The following PCDH17 variants were observed in gnomAD, a reference collection of about 807,000 sequenced individuals.
PCDH17 encodes the protein protocadherin-17.
In PCDH17, 21 loss-of-function variants were observed where a neutral mutation model predicts 67.7. The ratio of observed to expected loss-of-function variants is 0.31; its 90% CI spans 0.22 to 0.45. PCDH17 has a LOEUF of 0.45. PCDH17 is among the 20% of genes least tolerant of loss of function. PCDH17 has a pLI of 1.00. For synonymous variants in PCDH17, 701 were observed against 656.7 expected (o/e 1.07, Z -1.03); for missense variants, 1,471 against 1,564.8 (o/e 0.94, Z 1.01).
In PCDH17 at chr13:57,634,517, C is replaced by T; in HGVS notation, c.1971C>T (p.Pro657=). 1.2e-6 allele frequency: 2 copies of T among 1,612,968 alleles called. No individual in the cohort carries two copies. Among genetic ancestry groups the T allele is most frequent in the South Asian group, 1.1e-5 (1 of 91,058 alleles). Residue 657 remains proline (P), a synonymous_variant, in exon 1 of 4, where the codon CCC becomes CCT. Coordinates refer to ENST00000377918, the MANE Select transcript of PCDH17 (RefSeq NM_001040429.3). The surrounding 1 kb of genome is among the most constrained non-coding windows in gnomAD (Gnocchi z 7.8). The part of the protein sequence containing the change: ...TLHPFWEDVT[P]VVELVVKVTD... ...ACCCTTTCTGGGAGGACGTGACGCC[C>T]GTGGTGGAGCTGGTGGTGAAGGTGA... is the stretch of plus-strand genomic sequence containing the variant.
At chr13:57,695,241 A>G (rs899780143) in intron 3 of PCDH17, among the ~76,000 whole-genome samples, 4 of 151,308 alleles carry the variant, frequency 2.6e-5, no homozygotes, top group Non-Finnish European at 5.9e-5. Context: ...CTTCAAGTAT[A>G]TTGATAATTT....
At chr13:57,687,021 A>C (rs1955514271) in intron 3 of PCDH17, among the ~76,000 whole-genome samples, 1 of 152,058 alleles carries the variant, frequency 6.6e-6, no homozygotes, top group Non-Finnish European at 1.5e-5. Context: ...TTAGAAGTGA[A>C]ATAGGAAGTT....
intron 2 of PCDH17, 54 bp from the exon 3 acceptor site, chr13:57,666,607 A>G (rs1955258233): frequency 6.2e-7 from 1 of 1,607,306 alleles, no homozygotes; most frequent in Admixed American, 1.7e-5. Context: ...TACACTTCAG[A>G]TTCAAACTAG....
Position 57,725,978 on chromosome 13 carries a change from T to C in PCDH17, c.*684T>C, listed in dbSNP as rs1177408310. Reference sequence around the variant, plus strand: ...CATATAAAAGTTAAATGTAAAAAGATACAGTCCATTTTGTCCTGCACACAC... The same window carrying C: ...CATATAAAAGTTAAATGTAAAAAGACACAGTCCATTTTGTCCTGCACACAC... On this transcript the variant is annotated 3_prime_UTR_variant, in exon 4 of 4. Coordinates refer to ENST00000377918, the MANE Select transcript of PCDH17 (RefSeq NM_001040429.3). 6.6e-6 allele frequency: 1 copy of C among 152,440 alleles called. No homozygotes were observed. Among genetic ancestry groups the C allele is most frequent in the East Asian group, 1.9e-4 (1 of 5,200 alleles). The allele number at this position is 152,440 out of a possible 1,614,324, so 9.4% of individuals were successfully genotyped here. A position where few individuals can be genotyped will look rare whatever the true frequency, so the allele number is the denominator to read the frequency against.
intron 3 of PCDH17, among the ~76,000 whole-genome samples, chr13:57,675,495 C>T (rs572192670): frequency 6.6e-6 from 1 of 152,034 alleles, no homozygotes; most frequent in East Asian, 1.9e-4. Flanking sequence ...TGCAGTAAGA[C>T]ATGTCCACAA....
intron 1 of PCDH17, 135 bp downstream of exon 1, chr13:57,635,246 C>G (rs1444562056): frequency 4.9e-6 from 4 of 817,290 alleles, no homozygotes; most frequent in Non-Finnish European, 7.7e-6. Flanking sequence ...ACGGTTTACA[C>G]TTTTGACACT....
chr13:57,654,081 A>G (rs575202139), intron 1 of PCDH17, among the ~76,000 whole-genome samples: 13 of 152,182 alleles, frequency 8.5e-5, no homozygotes, highest in Non-Finnish European at 1.6e-4. Flanking sequence ...ATAAAAATTC[A>G]TCTTTAATAT....
intron 3 of PCDH17, among the ~76,000 whole-genome samples, chr13:57,686,842 C>T (rs533058659): frequency 6.6e-5 from 10 of 152,010 alleles, no homozygotes; most frequent in East Asian, 5.8e-4. Flanking sequence ...TTAAATAATT[C>T]GAAAACTTCT....
At chr13:57,645,516 T>G (rs551652615) in intron 1 of PCDH17, among the ~76,000 whole-genome samples, 1 of 151,660 alleles carries the variant, frequency 6.6e-6, no homozygotes, top group Non-Finnish European at 1.5e-5. Context: ...TTTATTTGAA[T>G]GTGGCATATT....
intron 3 of PCDH17, among the ~76,000 whole-genome samples, chr13:57,697,532 A>G (rs536571844): frequency 1.3e-5 from 2 of 151,654 alleles, no homozygotes; most frequent in African/African-American, 4.8e-5. Flanking sequence ...CTGTGTTACC[A>G]TTGTTATCTG....
intron 3 of PCDH17, among the ~76,000 whole-genome samples, chr13:57,724,224 T>A (rs756030479): frequency 6.6e-6 from 1 of 152,196 alleles, no homozygotes; most frequent in Non-Finnish European, 1.5e-5. Flanking sequence ...CCTTGTTATT[T>A]GATTTGAAAA....
intron 3 of PCDH17, among the ~76,000 whole-genome samples, chr13:57,723,792 G>C (rs1237602084): frequency 6.6e-6 from 1 of 152,050 alleles, no homozygotes; most frequent in Non-Finnish European, 1.5e-5. Flanking sequence ...GTGAAATAGA[G>C]ATCATTAAAA....
chr13:57,696,090 T>C (rs11619022), intron 3 of PCDH17, among the ~76,000 whole-genome samples: 56,163 of 151,072 alleles, frequency 0.37, 11,501 homozygotes, highest in Middle Eastern at 0.57. Context: ...GTGTGAACCC[T>C]GTAACTCTGT....
chr13:57,638,427 T>C (rs1454383930), intron 1 of PCDH17, among the ~76,000 whole-genome samples: 1 of 152,084 alleles, frequency 6.6e-6, no homozygotes, highest in Non-Finnish European at 1.5e-5. Flanking sequence ...GACTTCCCAG[T>C]TTTGTTTGAA....
intron 3 of PCDH17, among the ~76,000 whole-genome samples, chr13:57,701,558 T>C (rs891647655): frequency 2.6e-5 from 4 of 152,082 alleles, no homozygotes; most frequent in African/African-American, 9.7e-5. Context: ...TTATGTCTTA[T>C]AATTTCAATA....
chr13:57,659,621 G>C (rs1423661662), intron 1 of PCDH17, among the ~76,000 whole-genome samples: 1 of 151,748 alleles, frequency 6.6e-6, no homozygotes, highest in African/African-American at 2.4e-5. Context: ...AAATTATTTT[G>C]ACAATATTTT....
chr13:57,650,218 T>TTTTGTGTGTG (rs3221653), intron 1 of PCDH17, among the ~76,000 whole-genome samples: 4 of 137,480 alleles, frequency 2.9e-5, no homozygotes, highest in Non-Finnish European at 6.2e-5. Context: ...GGACCCTTGA[T>TTTTGTGTGTG]TGTGTGTGTG....
In PCDH17 at chr13:57,634,598, G is replaced by A. The variant is rs2137972295; in HGVS notation, c.2052G>A (p.Val684=). 1.2e-6 allele frequency: 2 copies of A among 1,613,356 alleles called. No individual in the cohort carries two copies. Among genetic ancestry groups the A allele is most frequent in the South Asian group, 1.1e-5 (1 of 91,074 alleles). ...TGGCCAAGCTCATCATCCGCTCGGT[G>A]AGCGGATCCCTTCCCGAGGGGGTAC... ...SAVAKLIIRS[V]SGSLPEGVPR... The change falls in exon 1 of 4, where the codon GTG becomes GTA. Residue 684 remains valine, a synonymous_variant. Coordinates refer to ENST00000377918, the MANE Select transcript of PCDH17 (RefSeq NM_001040429.3). This position sits in a 1 kb window ranked among gnomAD's most constrained non-coding sequence, Gnocchi z 7.8.
chr13:57,663,133 A>T (rs544297384), intron 1 of PCDH17, among the ~76,000 whole-genome samples: 1 of 152,108 alleles, frequency 6.6e-6, no homozygotes, highest in Admixed American at 6.5e-5. Flanking sequence ...GAAAACATTT[A>T]TGTAGCTACC....
Sources: allele counts gnomAD v4.1 joint callset (sites outside exome capture counted in the v4.1 genomes callset), GRCh38; gene constraint gnomAD v4.1.1; non-coding constraint Gnocchi (gnomAD v3.1); transcripts MANE v1.5; gene names NCBI Gene and HGNC (gene_info 2026-07-23, HGNC 2026-07-21).